The following APBA2 variants were observed in gnomAD, a reference collection of about 807,000 sequenced individuals.
The protein encoded by APBA2 is amyloid-beta A4 precursor protein-binding family A member 2.
Under a neutral mutation model 75.0 loss-of-function variants are expected in APBA2, and 30 were observed. That is an observed-to-expected ratio of 0.40 (90% CI 0.30 to 0.54). The LOEUF is 0.54. APBA2 is among the 20% of genes least tolerant of loss of function. APBA2 has a pLI of 0.49. For synonymous variants in APBA2, 444 were observed against 409.6 expected, an observed-to-expected ratio of 1.08 and a Z score of -1.01; for missense variants, 801 against 1,016.1, an observed-to-expected ratio of 0.79 and a Z score of 2.88.
At chr15:28,999,818 C>CT (rs1238516371) in intron 3 of APBA2, among the ~76,000 whole-genome samples, 1 of 152,174 alleles carries the variant, frequency 6.6e-6, no homozygotes, top group Non-Finnish European at 1.5e-5. Flanking sequence ...GATATGGCAT[C>CT]TGGGAAGTCT....
intron 2 of APBA2, among the ~76,000 whole-genome samples, chr15:28,987,777 G>A (rs376189455): frequency 8.8e-6 from 1 of 113,488 alleles, no homozygotes; most frequent in African/African-American, 3.8e-5. Context: ...TTTTTGAGAT[G>A]GAGTCTCACC....
intron 4 of APBA2, among the ~76,000 whole-genome samples, chr15:29,058,184 C>A (rs1416274007): frequency 6.6e-6 from 1 of 152,136 alleles, no homozygotes; most frequent in East Asian, 1.9e-4. Context: ...GATGTATTCA[C>A]AGAGGACATT....
chr15:28,993,089 C>T (rs922813165), intron 2 of APBA2, among the ~76,000 whole-genome samples: 6 of 152,140 alleles, frequency 3.9e-5, no homozygotes, highest in African/African-American at 1.4e-4. Flanking sequence ...GTGGGAAAAG[C>T]CTAGGGTTTC....
intron 2 of APBA2, among the ~76,000 whole-genome samples, chr15:28,947,888 T>A (rs184702173): frequency 1.3e-5 from 2 of 152,254 alleles, no homozygotes; most frequent in Admixed American, 6.5e-5. Flanking sequence ...TGTCTCTGCT[T>A]CAAGATTTGC....
At chr15:29,086,996 C>G (rs1409495188) in intron 6 of APBA2, among the ~76,000 whole-genome samples, 1 of 152,192 alleles carries the variant, frequency 6.6e-6, no homozygotes, top group Non-Finnish European at 1.5e-5. Context: ...GTAAGCATGT[C>G]TTCCCCTTTC....
At chr15:28,974,355 G>A (rs1347062155) in intron 2 of APBA2, among the ~76,000 whole-genome samples, 1 of 152,210 alleles carries the variant, frequency 6.6e-6, no homozygotes, top group Non-Finnish European at 1.5e-5. Flanking sequence ...CACAGGGGCG[G>A]TGGGGAGACA....
intron 2 of APBA2, among the ~76,000 whole-genome samples, chr15:28,926,855 CTCTT>C (rs2034291314): frequency 7.3e-6 from 1 of 136,530 alleles, no homozygotes; most frequent in Non-Finnish European, 1.5e-5. Flanking sequence ...CTCTCTCTCT[CTCTT>C]TTTTTTTTTT....
At chr15:29,077,178 A>C (rs1169887517) in intron 6 of APBA2, among the ~76,000 whole-genome samples, 2 of 152,158 alleles carry the variant, frequency 1.3e-5, no homozygotes, top group Admixed American at 1.3e-4. Flanking sequence ...TATCTGGTTC[A>C]AATTGGTTTT....
intron 2 of APBA2, among the ~76,000 whole-genome samples, chr15:28,967,569 G>A (rs2036804444): frequency 6.6e-6 from 1 of 151,988 alleles, no homozygotes; most frequent in Non-Finnish European, 1.5e-5. Flanking sequence ...CTCCCAAGTA[G>A]CTGGGACTAC....
chr15:28,988,954 T>G (rs1448419510), intron 2 of APBA2, among the ~76,000 whole-genome samples: 1 of 152,218 alleles, frequency 6.6e-6, no homozygotes, highest in African/African-American at 2.4e-5. Context: ...TTGACAGCAC[T>G]TGGTGTTGTC....
intron 2 of APBA2, among the ~76,000 whole-genome samples, chr15:28,985,391 C>T (rs1445243955): frequency 6.6e-6 from 1 of 152,178 alleles, no homozygotes; most frequent in African/African-American, 2.4e-5. Context: ...TCCAGATTTT[C>T]GTGGTCATTT....
At chr15:29,096,732 C>A (rs980320251) in intron 8 of APBA2, among the ~76,000 whole-genome samples, 5 of 152,192 alleles carry the variant, frequency 3.3e-5, no homozygotes, top group Non-Finnish European at 7.4e-5. Flanking sequence ...AGGGAGATTT[C>A]TTATTTCAGA....
At chr15:28,936,890 A>C (rs1034575055) in intron 2 of APBA2, among the ~76,000 whole-genome samples, 11 of 152,078 alleles carry the variant, frequency 7.2e-5, no homozygotes, top group Non-Finnish European at 1.2e-4. Context: ...TCCTCGATCT[A>C]CCCTCATGCA....
In APBA2 at chr15:28,991,397, G is replaced by A. The variant is rs1279016126; in HGVS notation, c.-94-4356G>A. ...GGCAGCTTGGCTGAGCTACAGGGCCGGGCCGCAGGAGGCGTCCTTGTGCCG... is the reference window on the plus strand; with the variant it reads ...GGCAGCTTGGCTGAGCTACAGGGCCAGGCCGCAGGAGGCGTCCTTGTGCCG... On this transcript the variant is annotated intron_variant, in intron 2 of 14. Coordinates refer to ENST00000683413, the MANE Select transcript of APBA2 (RefSeq NM_001353788.2). This position sits in a 1 kb window ranked among gnomAD's most constrained non-coding sequence, Gnocchi z 4.7. Among the ~76,000 whole-genome samples the A allele has an allele frequency of 6.6e-6, 1 of 152,178 alleles. No individual in the cohort carries two copies. Among genetic ancestry groups the A allele is most frequent in the East Asian group, 1.9e-4 (1 of 5,184 alleles).
intron 3 of APBA2, among the ~76,000 whole-genome samples, chr15:29,007,703 TACAAAACAAA>T (rs766075079): frequency 6.6e-6 from 1 of 152,094 alleles, no homozygotes; most frequent in East Asian, 1.9e-4. Flanking sequence ...GGCCGGCTAT[TACAAAACAAA>T]ACAAAACAGA....
intron 6 of APBA2, among the ~76,000 whole-genome samples, chr15:29,090,011 A>G (rs1043009913): frequency 3.3e-5 from 5 of 152,178 alleles, no homozygotes; most frequent in Non-Finnish European, 7.4e-5. Context: ...GCGGAAGTTG[A>G]GAGCTGTGCC....
intron 2 of APBA2, among the ~76,000 whole-genome samples, chr15:28,935,113 C>A (rs562406961): frequency 6.6e-6 from 1 of 152,166 alleles, no homozygotes; most frequent in Non-Finnish European, 1.5e-5. Context: ...TGAACTGGAA[C>A]GAGGAGAGAC....
intron 8 of APBA2, 36 bp from the exon 9 acceptor site, chr15:29,098,453 GT>G: frequency 1.3e-6 from 2 of 1,523,058 alleles, no homozygotes; most frequent in Non-Finnish European, 1.8e-6. Flanking sequence ...TTCCGAGTTG[GT>G]TTTTGGACTT....
Position 29,046,688 on chromosome 15 carries a change from T to C in APBA2, c.-40-7157T>C, listed in dbSNP as rs2041350524. On this transcript the variant is annotated intron_variant, in intron 3 of 14. Transcript: ENST00000683413. This position sits in a 1 kb window ranked among gnomAD's most constrained non-coding sequence, Gnocchi z 5.0. Reference sequence around the variant, plus strand: ...TCTTGGGCCATGAACCTGCACACTCTCCAGGTGGGCCTTGTGCCCACCAAA... The same window carrying C: ...TCTTGGGCCATGAACCTGCACACTCCCCAGGTGGGCCTTGTGCCCACCAAA... Among the ~76,000 whole-genome samples the C allele has an allele frequency of 6.6e-6, 1 of 152,236 alleles. No individual in the cohort carries two copies. Among genetic ancestry groups the C allele is most frequent in the South Asian group, 2.1e-4 (1 of 4,830 alleles).
Sources: gnomAD v4.1 joint callset for allele counts (sites outside exome capture counted in the v4.1 genomes callset) on GRCh38, gnomAD v4.1.1 for gene constraint, Gnocchi (gnomAD v3.1) non-coding constraint, MANE v1.5 for transcripts, NCBI Gene and HGNC (gene_info 2026-07-23, HGNC 2026-07-21) for gene names.